The following OR52N4 variants were observed in gnomAD, a reference collection of about 807,000 sequenced individuals.
OR52N4 encodes the protein olfactory receptor family 52 subfamily N member 4, also known as olfactory receptor 52N4.
In OR52N4, 15 loss-of-function variants were observed where a neutral mutation model predicts 15.0. The observed-to-expected ratio is 1.00, with a 90% CI of 0.67 to 1.54. OR52N4 has a LOEUF of 1.54. Ranked by LOEUF, OR52N4 falls within the 40% of genes most tolerant of loss-of-function variation. The probability of loss-of-function intolerance (pLI) is 0.00; values close to 1 mark genes in which losing one functional copy is unlikely to be tolerated. For missense variants in OR52N4, 421 were observed against 394.0 expected (o/e 1.07, Z -0.58); for synonymous variants, 143 against 143.7 (o/e 1.00, Z 0.03).
At chr11:5,753,529 A>C (rs1183529682), upstream of OR52N4, among the ~76,000 whole-genome samples, 1 of 152,126 alleles carries the variant, frequency 6.6e-6, no homozygotes, top group Admixed American at 6.6e-5. Context: ...GATATCTTCT[A>C]GTTTGCGTTG....
the OR52N4 span, chr11:5,734,072 T>C: frequency 9.1e-6 from 4 of 440,088 alleles, no homozygotes; most frequent in Admixed American, 9.9e-5. Flanking sequence ...GCTTTACTAC[T>C]CTCCATAAAT....
the OR52N4 span, chr11:5,736,818 T>C: frequency 3.1e-6 from 5 of 1,613,904 alleles, no homozygotes; most frequent in African/African-American, 4.0e-5. Flanking sequence ...GCCAAGGTTA[T>C]TAGCCTCCCT....
chr11:5,731,532 G>A, the OR52N4 span, among the ~76,000 whole-genome samples: 3 of 152,124 alleles, frequency 2.0e-5, no homozygotes, highest in Non-Finnish European at 2.9e-5. Context: ...CTTCCTTCCT[G>A]TTCTTGGTCC....
In OR52N4 at chr11:5,755,431, T is replaced by TC; in HGVS notation, c.693dup (p.Ser232LeufsTer10). ...GATTCTCCGGGCAGTGGTCAGCCTC[T>TC]CCTCAGCAGATGCTCGGCAGAAGGC... On this transcript the variant is annotated frameshift_variant, in exon 2 of 2. Transcript: ENST00000641350. LOFTEE classifies it high-confidence loss of function. 6.2e-7 allele frequency: 1 copy of TC among 1,614,104 alleles called. No homozygotes were observed. Among genetic ancestry groups the TC allele is most frequent in the Non-Finnish European group, 8.5e-7 (1 of 1,179,988 alleles).
At chr11:5,731,917 T>G in the OR52N4 span, among the ~76,000 whole-genome samples, 2 of 152,238 alleles carry the variant, frequency 1.3e-5, no homozygotes, top group African/African-American at 4.8e-5. Flanking sequence ...ATTTTCATTT[T>G]TAATTGACTA....
At chr11:5,732,387 C>G in the OR52N4 span, among the ~76,000 whole-genome samples, 1 of 152,190 alleles carries the variant, frequency 6.6e-6, no homozygotes, top group South Asian at 2.1e-4. Flanking sequence ...TAGCCCACTC[C>G]AATATGACTT....
chr11:5,730,260 C>G, the OR52N4 span, among the ~76,000 whole-genome samples: 1 of 145,362 alleles, frequency 6.9e-6, no homozygotes, highest in Admixed American at 7.1e-5. Flanking sequence ...GGCACAATCT[C>G]AGCTCACTAC....
chr11:5,751,586 ATTATAATT>A (rs1325074485), upstream of OR52N4, among the ~76,000 whole-genome samples: 2 of 152,112 alleles, frequency 1.3e-5, no homozygotes, highest in Non-Finnish European at 2.9e-5. Flanking sequence ...TAATACTTAG[ATTATAATT>A]TAATAATTAT....
At chr11:5,737,496 C>T in the OR52N4 span, 4 of 1,602,086 alleles carry the variant, frequency 2.5e-6, no homozygotes, top group Non-Finnish European at 3.4e-6. Context: ...TCTTAGAGAC[C>T]TTCTCCATGA....
At chr11:5,753,622 T>A (rs749359597), upstream of OR52N4, among the ~76,000 whole-genome samples, 12 of 152,160 alleles carry the variant, frequency 7.9e-5, no homozygotes, top group Non-Finnish European at 8.8e-5. Context: ...TAATTTTAAA[T>A]TTTTGTGGGC....
the OR52N4 span, chr11:5,737,148 T>G: frequency 6.2e-7 from 1 of 1,614,038 alleles, no homozygotes; most frequent in African/African-American, 1.3e-5. Flanking sequence ...CAGTTGGTTC[T>G]GGCATGGCTT....
chr11:5,755,203 G>A lies in OR52N4; in HGVS notation c.463G>A (p.Val155Ile), dbSNP rs1024278539. The change falls in exon 2 of 2, where the codon GTA (valine) becomes ATA (isoleucine). Residue 155 changes from valine (V) to isoleucine (I), a missense_variant. By Grantham distance (29) the Val-to-Ile change is conservative. Coordinates refer to ENST00000641350, the MANE Select transcript of OR52N4 (RefSeq NM_001005175.5). ...TGGGACTGCCACCTTCCTGAGAGGG[G>A]TATTACTCATTATTCCCTTTACTTT... ...KVGTATFLRG[V>I]LLIIPFTFLT... is the part of the protein sequence containing the mutation. The A allele has an allele frequency of 6.2e-7, 1 of 1,613,886 alleles. No individual in the cohort carries two copies. The highest frequency in any genetic ancestry group is 2.2e-5 in the East Asian group (1 of 44,854).
the OR52N4 span, among the ~76,000 whole-genome samples, chr11:5,729,718 T>A: frequency 1.3e-5 from 2 of 152,194 alleles, no homozygotes; most frequent in African/African-American, 2.4e-5. Flanking sequence ...TAAGTTTATA[T>A]CATGATCAAC....
At chr11:5,729,213 A>C in the OR52N4 span, among the ~76,000 whole-genome samples, 1 of 134,614 alleles carries the variant, frequency 7.4e-6, no homozygotes, top group African/African-American at 2.8e-5. Flanking sequence ...TCCGCCTCCC[A>C]GGCTCACACC....
upstream of OR52N4, among the ~76,000 whole-genome samples, chr11:5,752,021 G>A (rs1854202544): frequency 6.6e-6 from 1 of 152,084 alleles, no homozygotes; most frequent in Non-Finnish European, 1.5e-5. Context: ...GGAGCACCAA[G>A]GAGATAGAGG....
In OR52N4 at chr11:5,754,947, C is replaced by T; in HGVS notation, c.207C>T (p.Ser69=). Reference sequence around the variant, plus strand: ...TGTACTACTTCTTGGCCATGCTTTCCTTTACTGACCTTGTTATGTGCTCTA... The same window carrying T: ...TGTACTACTTCTTGGCCATGCTTTCTTTTACTGACCTTGTTATGTGCTCTA... The part of the protein sequence containing the change: ...KPMYYFLAML[S]FTDLVMCSST... Residue 69 remains serine, a synonymous_variant, in exon 2 of 2, where the codon TCC becomes TCT. Transcript: ENST00000641350. 1 of 1,613,802 alleles carries T rather than the reference C, an allele frequency of 6.2e-7. No individual in the cohort carries two copies. Among genetic ancestry groups the T allele is most frequent in the Non-Finnish European group, 8.5e-7 (1 of 1,179,818 alleles).
At chr11:5,736,985 A>G in the OR52N4 span, 4 of 1,613,942 alleles carry the variant, frequency 2.5e-6, no homozygotes, top group African/African-American at 2.7e-5. Context: ...TACCCTGTTC[A>G]TGGTGCTGAG....
At chr11:5,736,943 T>C in the OR52N4 span, 2 of 1,614,086 alleles carry the variant, frequency 1.2e-6, no homozygotes, top group Admixed American at 1.7e-5. Flanking sequence ...TCGCTATCCA[T>C]CAATTGTCAC....
At chr11:5,741,368 G>T in the OR52N4 span, among the ~76,000 whole-genome samples, 1 of 152,212 alleles carries the variant, frequency 6.6e-6, no homozygotes, top group South Asian at 2.1e-4. Context: ...CCTGGAGATG[G>T]GTCAGACTCA....
Sources: gnomAD v4.1 joint callset for allele counts (sites outside exome capture counted in the v4.1 genomes callset) on GRCh38, gnomAD v4.1.1 for gene constraint, MANE v1.5 for transcripts, NCBI Gene and HGNC (gene_info 2026-07-23, HGNC 2026-07-21) for gene names.